The following PCDH9 variants were observed in gnomAD, a reference collection of about 807,000 sequenced individuals.
The protein encoded by PCDH9 is protocadherin-9.
Under a neutral mutation model 70.6 loss-of-function variants are expected in PCDH9, and 24 were observed. The ratio of observed to expected loss-of-function variants is 0.34; its 90% CI spans 0.25 to 0.48. PCDH9 has a LOEUF of 0.48. Ranked by LOEUF, PCDH9 falls within the 20% of genes least tolerant of loss-of-function variation. The pLI is 0.99. For synonymous variants in PCDH9, 562 were observed against 558.5 expected (o/e 1.01, Z -0.09); for missense variants, 1,281 against 1,503.6 (o/e 0.85, Z 2.45).
chr13:66,473,293 G>C (rs551342094), intron 4 of PCDH9, among the ~76,000 whole-genome samples: 349 of 151,912 alleles, frequency 2.3e-3, no homozygotes, highest in Non-Finnish European at 2.9e-3. Flanking sequence ...GCAGGGAATG[G>C]GAATTGATAT....
chr13:66,631,279 C>T lies in PCDH9; in HGVS notation c.3271G>A (p.Asp1091Asn), dbSNP rs1233605724. Reference sequence around the variant, plus strand: ...GGAGAGGCCTGGTCATAGAATTCGTCCTGTGGCTGAACCAGAGGAAGAGGG... The same window carrying T: ...GGAGAGGCCTGGTCATAGAATTCGTTCTGTGGCTGAACCAGAGGAAGAGGG... ...SHPLPLVQPQ[D>N]EFYDQASPDK... Residue 1091 changes from aspartate to asparagine, a missense_variant, in exon 4 of 5, where the codon GAC becomes AAC. Around this residue, in one of 4 missense-constraint regions of PCDH9, gnomAD observed 264 missense variants for 278.8 expected, o/e 0.95. Coordinates refer to ENST00000377865, the MANE Select transcript of PCDH9 (RefSeq NM_203487.3). 42 of 1,611,564 alleles carry T rather than the reference C, an allele frequency of 2.6e-5. No individual in the cohort carries two copies. Among genetic ancestry groups the T allele is most frequent in the Non-Finnish European group, 3.4e-5 (40 of 1,177,764 alleles).
chr13:66,975,200 A>G (rs1478612346), intron 2 of PCDH9, among the ~76,000 whole-genome samples: 1 of 152,050 alleles, frequency 6.6e-6, no homozygotes, highest in Non-Finnish European at 1.5e-5. Context: ...CATAGAAAGC[A>G]GAAATCTAAA....
chr13:66,793,848 G>T (rs954584892), intron 3 of PCDH9, among the ~76,000 whole-genome samples: 1 of 152,050 alleles, frequency 6.6e-6, no homozygotes, highest in Admixed American at 6.6e-5. Context: ...AATGTTATTA[G>T]CTTTAATACC....
intron 4 of PCDH9, among the ~76,000 whole-genome samples, chr13:66,333,874 T>C (rs1955985494): frequency 6.6e-6 from 1 of 151,992 alleles, no homozygotes; most frequent in Non-Finnish European, 1.5e-5. Context: ...AACATAAAGG[T>C]CCCTGTGAAG....
chr13:67,017,863 A>G (rs181988), intron 2 of PCDH9, among the ~76,000 whole-genome samples: 1 of 152,182 alleles, frequency 6.6e-6, no homozygotes, highest in African/African-American at 2.4e-5. Flanking sequence ...TACACATCCA[A>G]TAATCTCAGA....
chr13:66,306,137 G>C (rs1392126659), intron 4 of PCDH9: 1 of 151,810 alleles, frequency 6.6e-6, no homozygotes, highest in Non-Finnish European at 1.5e-5. Context: ...CAAATGCAGA[G>C]AGTCATCAGA....
intron 3 of PCDH9, 141 bp downstream of exon 3, chr13:66,903,363 T>A: frequency 2.7e-6 from 1 of 369,414 alleles, no homozygotes; most frequent in South Asian, 1.1e-4. Context: ...TTAAAATTAT[T>A]TTCAAAAACA....
intron 4 of PCDH9, among the ~76,000 whole-genome samples, chr13:66,334,791 A>G (rs1176217795): frequency 6.6e-6 from 1 of 152,108 alleles, no homozygotes; most frequent in African/African-American, 2.4e-5. Flanking sequence ...TTCACAACAA[A>G]AAAAATTTCT....
intron 2 of PCDH9, among the ~76,000 whole-genome samples, chr13:67,131,962 C>A (rs2087121662): frequency 6.6e-6 from 1 of 152,160 alleles, no homozygotes. Context: ...ATCCATCCAT[C>A]AGCACATTTG....
chr13:66,737,837 A>G (rs897229665), intron 3 of PCDH9, among the ~76,000 whole-genome samples: 3 of 152,114 alleles, frequency 2.0e-5, no homozygotes, highest in African/African-American at 7.2e-5. Context: ...CCTGGCTCGG[A>G]GGGTCCTACG....
chr13:66,506,703 T>C (rs111434500), intron 4 of PCDH9, among the ~76,000 whole-genome samples: 40 of 152,340 alleles, frequency 2.6e-4, no homozygotes, highest in African/African-American at 7.5e-4. Flanking sequence ...GCTTAATAAA[T>C]GCTTAATGAT....
At chr13:66,566,219 A>G (rs1466488991) in intron 4 of PCDH9, among the ~76,000 whole-genome samples, 2 of 152,138 alleles carry the variant, frequency 1.3e-5, no homozygotes, top group African/African-American at 2.4e-5. Context: ...ATTGGAAAAT[A>G]CTTTGTAGGA....
At position 67,228,151 on chromosome 13, in the gene PCDH9, A is replaced by T; in HGVS notation, c.290T>A (p.Leu97His). The T allele has an allele frequency of 6.2e-7, 1 of 1,614,102 alleles. No homozygotes were observed. The highest frequency in any genetic ancestry group is 2.2e-5 in the East Asian group (1 of 44,874). ...CTCAGCATATGAGGCGCCAGCACAG[A>T]GTTTTTCTCTGTCTATTCTGTTGGA... is the stretch of plus-strand genomic sequence containing the variant. ...TTSNRIDREKLCAGASYAEEN... is the reference protein window; with the variant it reads ...TTSNRIDREKHCAGASYAEEN... Residue 97 changes from leucine (L) to histidine (H), a missense_variant, in exon 2 of 5, where the codon CTC becomes CAC. Leu to His is a moderately conservative substitution (Grantham distance 99). Around this residue, in one of 4 missense-constraint regions of PCDH9, gnomAD observed 798 missense variants for 1,003.1 expected, o/e 0.80. Transcript: ENST00000377865.
intron 3 of PCDH9, among the ~76,000 whole-genome samples, chr13:66,801,226 C>A (rs903719151): frequency 8.5e-5 from 13 of 152,072 alleles, no homozygotes; most frequent in African/African-American, 2.9e-4. Flanking sequence ...TAAGCAATAA[C>A]ATTATTTTGA....
chr13:67,217,873 C>A (rs1237892441), intron 2 of PCDH9: 1 of 152,046 alleles, frequency 6.6e-6, no homozygotes, highest in African/African-American at 2.4e-5. Context: ...TACAAACAAG[C>A]CTGCATCATC....
chr13:67,101,250 A>T lies in PCDH9; in HGVS notation c.3036+124155T>A, dbSNP rs147008083. Among the ~76,000 whole-genome samples, 4 of 152,378 alleles carry T rather than the reference A, an allele frequency of 2.6e-5. No individual in the cohort carries two copies. The East Asian group carries it at 5.8e-4, about 22-fold the overall frequency. ...TCTGATTATAAGTCCATATTATTTT[A>T]AAACTGTATTTGTGATATGTACTGC... On this transcript the variant is annotated intron_variant, in intron 2 of 4. Coordinates refer to ENST00000377865, the MANE Select transcript of PCDH9 (RefSeq NM_203487.3).
At chr13:66,793,761 T>C (rs1464098579) in intron 3 of PCDH9, among the ~76,000 whole-genome samples, 2 of 152,172 alleles carry the variant, frequency 1.3e-5, no homozygotes, top group Admixed American at 1.3e-4. Flanking sequence ...AACTTTAACA[T>C]CTGTTGTGCT....
chr13:66,693,910 T>G lies in PCDH9; in HGVS notation c.3139-62499A>C, dbSNP rs150050491. 4.4e-4 allele frequency among the ~76,000 whole-genome samples: 67 copies of G among 152,240 alleles called. 1 individual carries two copies. The highest frequency in any genetic ancestry group is 1.4e-3 in the African/African-American group (60 of 41,538). On this transcript the variant is annotated intron_variant, in intron 3 of 4. Transcript: ENST00000377865. Reference sequence around the variant, plus strand: ...AAGAGAGAGTAGAATATATTACAAGTCTTCAGCTACACATTATCTCACAAC... The same window carrying G: ...AAGAGAGAGTAGAATATATTACAAGGCTTCAGCTACACATTATCTCACAAC...
chr13:67,161,789 T>A (rs1177186813), intron 2 of PCDH9, among the ~76,000 whole-genome samples: 1 of 152,120 alleles, frequency 6.6e-6, no homozygotes, highest in East Asian at 1.9e-4. Context: ...AGGAGACTAT[T>A]TCCTCTTACA....
Sources: gnomAD v4.1 joint callset for allele counts (sites outside exome capture counted in the v4.1 genomes callset) on GRCh38, gnomAD v4.1.1 for gene constraint, gnomAD v4.1.1 regional missense constraint, MANE v1.5 for transcripts, NCBI Gene and HGNC (gene_info 2026-07-23, HGNC 2026-07-21) for gene names.